DARS1: variants seen among roughly 807,000 people sequenced by gnomAD.
DARS1 encodes the protein aspartate--tRNA ligase, cytoplasmic.
A neutral mutation model predicts 68.8 loss-of-function variants in DARS1; 51 were observed. That is an observed-to-expected ratio of 0.74 (90% CI 0.59 to 0.94). DARS1 has a LOEUF of 0.94. Among genes scored for constraint, DARS1 ranks in the 40% least tolerant of loss-of-function variants. The pLI, the probability that DARS1 is intolerant of heterozygous loss-of-function variation, is 0.00. For missense variants in DARS1, 607 were observed against 597.3 expected (o/e 1.02, Z -0.17); for synonymous variants, 203 against 190.4 (o/e 1.07, Z -0.55).
At chr2:135,959,588 G>T (rs1481651034) in intron 4 of DARS1, among the ~76,000 whole-genome samples, 3 of 151,978 alleles carry the variant, frequency 2.0e-5, no homozygotes, top group Non-Finnish European at 4.4e-5. Flanking sequence ...GTTGACATCT[G>T]ATATAGTCAA....
chr2:135,978,444 T>A (rs185702525), intron 3 of DARS1, among the ~76,000 whole-genome samples: 1 of 152,238 alleles, frequency 6.6e-6, no homozygotes, highest in Admixed American at 6.5e-5. Flanking sequence ...TCTGAACGTG[T>A]TTCCTCATTT....
chr2:135,912,563 C>T lies in DARS1; in HGVS notation c.1153G>A (p.Asp385Asn), dbSNP rs763236292. The change falls in exon 13 of 16, where the codon GAT becomes AAT. Residue 385 changes from aspartate (D) to asparagine (N), a missense_variant. Asp to Asn is a conservative substitution (Grantham distance 23). Transcript: ENST00000264161. ...LLGHLVKEKY[D>N]TDFYILDKYP... ...TTATCAAGAATATAAAAATCTGTATCATACTATAAAAAGAATAAATGCAAT... is the reference window on the plus strand; with the variant it reads ...TTATCAAGAATATAAAAATCTGTATTATACTATAAAAAGAATAAATGCAAT... The T allele has an allele frequency of 2.3e-6, 2 of 864,660 alleles. No individual in the cohort carries two copies. Among genetic ancestry groups the T allele is most frequent in the Non-Finnish European group, 3.8e-6 (2 of 523,408 alleles). 53.6% of individuals were successfully genotyped at this position (864,660 alleles called of 1,614,324 possible).
intron 12 of DARS1, among the ~76,000 whole-genome samples, chr2:135,913,276 C>G (rs911128809): frequency 6.6e-6 from 1 of 151,914 alleles, no homozygotes; most frequent in African/African-American, 2.4e-5. Context: ...TTTACAATAT[C>G]CATCATTGAA....
chr2:135,946,613 C>T (rs930048455), intron 4 of DARS1, among the ~76,000 whole-genome samples: 1 of 152,102 alleles, frequency 6.6e-6, no homozygotes, highest in African/African-American at 2.4e-5. Flanking sequence ...ATCATAAACC[C>T]TGAGAAATGG....
At chr2:135,976,919 T>A (rs1682514263) in intron 3 of DARS1, among the ~76,000 whole-genome samples, 1 of 152,176 alleles carries the variant, frequency 6.6e-6, no homozygotes, top group South Asian at 2.1e-4. Context: ...TAGAGTGAGC[T>A]ACTGGACAGC....
At chr2:135,914,564 CATT>C in intron 11 of DARS1, 53 bp from the exon 12 acceptor site, 1 of 952,520 alleles carries the variant, frequency 1.0e-6, no homozygotes, top group Non-Finnish European at 1.7e-6. Flanking sequence ...AACTTAAAAA[CATT>C]AATAAGGAAC....
rs112136466 is a variant in DARS1 at position 135,929,792 on chromosome 2, T to C, written c.564+2991A>G. 4.1e-4 allele frequency among the ~76,000 whole-genome samples: 62 copies of C among 152,334 alleles called. 1 individual carries two copies. Among genetic ancestry groups the C allele is most frequent in the African/African-American group, 1.3e-3 (56 of 41,580 alleles). On this transcript the variant is annotated intron_variant, in intron 7 of 15. Transcript: ENST00000264161. The stretch of plus-strand genomic sequence containing the variant: ...TGGGCTATTGATATTATCTAATTTT[T>C]CTTTGTTTAAGCGTTTTGTGGCTTT...
rs76302219 is a variant in DARS1, at chr2:135,963,304, T to C, written c.218-1806A>G. 8.6e-3 allele frequency among the ~76,000 whole-genome samples: 1,313 copies of C among 152,274 alleles called. 16 individuals are homozygous for C. Among genetic ancestry groups the C allele is most frequent in the African/African-American group, 0.028 (1,159 of 41,560 alleles). On this transcript the variant is annotated intron_variant, in intron 3 of 15. Transcript: ENST00000264161. The stretch of plus-strand genomic sequence containing the variant: ...ACGGTAAGAGTCATGAGGTTTTCTT[T>C]CATAATCATAAGGATTTTATAATAT...
intron 15 of DARS1, chr2:135,910,824 A>C (rs1022672093): frequency 8.7e-6 from 2 of 230,322 alleles, no homozygotes; most frequent in African/African-American, 4.7e-5. Context: ...CATCTCAATA[A>C]AAACACTTAG....
chr2:135,953,849 C>A (rs957133459), intron 4 of DARS1, among the ~76,000 whole-genome samples: 5 of 151,956 alleles, frequency 3.3e-5, no homozygotes, highest in African/African-American at 9.7e-5. Flanking sequence ...ATTTATCACT[C>A]AAACATAAAA....
intron 1 of DARS1, chr2:135,985,165 C>T (rs540972009): frequency 2.0e-5 from 12 of 594,542 alleles, no homozygotes; most frequent in Non-Finnish European, 3.3e-5. Context: ...GTCCTCCCCA[C>T]CCCGGGGACA....
At chr2:135,943,806 A>AT (rs1416100060) in intron 4 of DARS1, among the ~76,000 whole-genome samples, 1 of 152,148 alleles carries the variant, frequency 6.6e-6, no homozygotes, top group East Asian at 1.9e-4. Flanking sequence ...TTCCCTCCCT[A>AT]TTTTTGAGAA....
chr2:135,929,076 A>G (rs1681287292), intron 7 of DARS1, among the ~76,000 whole-genome samples: 1 of 152,192 alleles, frequency 6.6e-6, no homozygotes, highest in Non-Finnish European at 1.5e-5. Flanking sequence ...ACGTATGACA[A>G]AAACGCTAGC....
intron 7 of DARS1, among the ~76,000 whole-genome samples, chr2:135,928,511 AT>A (rs561279545): frequency 1.3e-5 from 2 of 149,578 alleles, no homozygotes; most frequent in Non-Finnish European, 3.0e-5. Context: ...AGCCTGGCTA[AT>A]TTTTTTTGTA....
At chr2:135,913,854 G>A (rs919432992) in intron 12 of DARS1, among the ~76,000 whole-genome samples, 10 of 152,136 alleles carry the variant, frequency 6.6e-5, no homozygotes, top group Non-Finnish European at 1.5e-4. Flanking sequence ...ACTGAAACTG[G>A]CTCTGCTGAA....
rs1682685442 is a variant in DARS1, at chr2:135,983,440, C to T, written c.81G>A (p.Glu27=). 4 of 1,199,712 alleles carry T rather than the reference C, an allele frequency of 3.3e-6. No homozygotes were observed. Among genetic ancestry groups the T allele is most frequent in the Non-Finnish European group, 4.9e-6 (4 of 809,764 alleles). 74.3% of individuals were successfully genotyped at this position (1,199,712 alleles called of 1,614,324 possible). The change falls in exon 2 of 16, where the codon GAG becomes GAA. Residue 27 remains glutamate (E), a synonymous_variant. Coordinates refer to ENST00000264161, the MANE Select transcript of DARS1 (RefSeq NM_001349.4). ...GTATCATTGAAGATATTCCATATCT[C>T]TCTTTAGCATAATCCTACAAAAAAA... ...IMDAAEDYAK[E]RYGISSMIQS...
chr2:135,985,365 GGTCT>G (rs774635021), intron 1 of DARS1, 34 bp downstream of exon 1: 1 of 1,609,140 alleles, frequency 6.2e-7, no homozygotes, highest in South Asian at 1.1e-5. Flanking sequence ...CCGGCCCAGG[GGTCT>G]GTCCTCCCAG....
At chr2:135,909,132 G>A (rs1575380352) in intron 15 of DARS1, among the ~76,000 whole-genome samples, 1 of 151,776 alleles carries the variant, frequency 6.6e-6, no homozygotes, top group Non-Finnish European at 1.5e-5. Flanking sequence ...GGGGCCTGTC[G>A]GGAGGGTGGG....
intron 5 of DARS1, among the ~76,000 whole-genome samples, chr2:135,939,273 A>G (rs1474891516): frequency 6.6e-6 from 1 of 152,226 alleles, no homozygotes; most frequent in Non-Finnish European, 1.5e-5. Flanking sequence ...AACACTCCTC[A>G]GCAAATGTAA....
Sources: gnomAD v4.1 joint callset for allele counts (sites outside exome capture counted in the v4.1 genomes callset) on GRCh38, gnomAD v4.1.1 for gene constraint, MANE v1.5 for transcripts, NCBI Gene and HGNC (gene_info 2026-07-23, HGNC 2026-07-21) for gene names.